The following OSBPL6 variants were observed in gnomAD, a reference collection of about 807,000 sequenced individuals.
OSBPL6 encodes the protein oxysterol binding protein like 6.
Under a neutral mutation model 125.8 loss-of-function variants are expected in OSBPL6, and 49 were observed. That is an observed-to-expected ratio of 0.39 (90% confidence interval 0.31 to 0.49). The LOEUF (loss-of-function observed/expected upper bound fraction) is 0.49. Ranked by LOEUF, OSBPL6 falls within the 20% of genes least tolerant of loss-of-function variation. The pLI is 0.88. For missense variants in OSBPL6, 986 were observed against 1,135.4 expected, an observed-to-expected ratio of 0.87 and a Z score of 1.89; for synonymous variants, 394 against 391.8, an observed-to-expected ratio of 1.01 and a Z score of -0.07.
chr2:178,223,306 C>T (rs1318405960), intron 1 of OSBPL6, among the ~76,000 whole-genome samples: 1 of 152,044 alleles, frequency 6.6e-6, no homozygotes, highest in South Asian at 2.1e-4. Context: ...TGGTTACATT[C>T]CCTCCTTTGT....
chr2:178,269,622 A>AT (rs1210287791), intron 1 of OSBPL6, among the ~76,000 whole-genome samples: 2 of 152,074 alleles, frequency 1.3e-5, no homozygotes, highest in African/African-American at 4.8e-5. Context: ...GAGGGAATGA[A>AT]TTTTTCCCAG....
At chr2:178,290,778 G>A (rs1247067696) in intron 2 of OSBPL6, among the ~76,000 whole-genome samples, 4 of 152,000 alleles carry the variant, frequency 2.6e-5, no homozygotes, top group Non-Finnish European at 4.4e-5. Context: ...GGCACTAGGG[G>A]TGCTCATTTC....
rs373712558 is a variant in OSBPL6 at position 178,389,003 on chromosome 2, C to T, written c.2157-6C>T. ...TGTTTTTCATCAGTGTTACATTCTT[C>T]ACTAGGTATGGAGATTACTATGTGT... On this transcript the variant is annotated splice_polypyrimidine_tract_variant and splice_region_variant and intron_variant, in intron 20 of 24. Coordinates refer to ENST00000190611, the MANE Select transcript of OSBPL6 (RefSeq NM_032523.4). 3.1e-6 allele frequency: 5 copies of T among 1,612,742 alleles called. No homozygotes were observed. Among genetic ancestry groups the T allele is most frequent in the African/African-American group, 1.3e-5 (1 of 74,896 alleles).
intron 3 of OSBPL6, among the ~76,000 whole-genome samples, chr2:178,306,804 A>AATGGTTATT (rs1033838083): frequency 1.3e-5 from 2 of 152,186 alleles, no homozygotes; most frequent in Admixed American, 6.5e-5. Flanking sequence ...AGAGAAAGTA[A>AATGGTTATT]ATGGTTATTA....
intron 2 of OSBPL6, among the ~76,000 whole-genome samples, chr2:178,296,550 A>AAAAAC (rs965442835): frequency 4.6e-5 from 7 of 152,196 alleles, no homozygotes; most frequent in African/African-American, 7.2e-5. Context: ...ATCAGCTCTT[A>AAAAAC]AAAACAAAAC....
intron 11 of OSBPL6, among the ~76,000 whole-genome samples, chr2:178,345,959 C>T (rs1690668526): frequency 6.6e-6 from 1 of 152,116 alleles, no homozygotes; most frequent in Non-Finnish European, 1.5e-5. Context: ...CATTAATGCC[C>T]ACCTCCCAGG....
At chr2:178,219,013 C>A (rs932110570) in intron 1 of OSBPL6, among the ~76,000 whole-genome samples, 1 of 152,084 alleles carries the variant, frequency 6.6e-6, no homozygotes, top group African/African-American at 2.4e-5. Context: ...ACTCCTGACT[C>A]TTCTGTCTTT....
intron 3 of OSBPL6, chr2:178,320,343 G>A: frequency 1.2e-6 from 2 of 1,612,966 alleles, no homozygotes; most frequent in African/African-American, 1.3e-5. Flanking sequence ...TGTGTTCCAG[G>A]TTCCTGGTTT....
At chr2:178,382,217 T>C (rs1365685909) in intron 15 of OSBPL6, among the ~76,000 whole-genome samples, 2 of 152,200 alleles carry the variant, frequency 1.3e-5, no homozygotes, top group Non-Finnish European at 2.9e-5. Context: ...GATAAGGAGC[T>C]AAAGACCAGG....
Position 178,386,566 on chromosome 2 carries a change from G to T in OSBPL6, c.2078-495G>T, listed in dbSNP as rs142688971. On this transcript the variant is annotated intron_variant, in intron 19 of 24. Transcript: ENST00000190611. Reference sequence around the variant, plus strand: ...AATGTATATATAAATTAATTGTATTGCTATACTCCAATTATTTTTAGTGTA... The same window carrying T: ...AATGTATATATAAATTAATTGTATTTCTATACTCCAATTATTTTTAGTGTA... 1.9e-3 allele frequency among the ~76,000 whole-genome samples: 284 copies of T among 151,838 alleles called. 8 individuals are homozygous for T. The East Asian group carries it at 0.051, about 27-fold the overall frequency.
intron 15 of OSBPL6, among the ~76,000 whole-genome samples, chr2:178,376,144 G>A (rs1693854785): frequency 6.6e-6 from 1 of 152,114 alleles, no homozygotes. Flanking sequence ...GTCCAAGAGA[G>A]AGTCAGCTCA....
At chr2:178,269,342 A>AACATTTGGGTTAGTTTAAGTTTGGGAC (rs1475129863) in intron 1 of OSBPL6, among the ~76,000 whole-genome samples, 1 of 152,206 alleles carries the variant, frequency 6.6e-6, no homozygotes, top group Non-Finnish European at 1.5e-5. Context: ...TGGGACTACT[A>AACATTTGGGTTAGTTTAAGTTTGGGAC]TTAATGTTTA....
At chr2:178,312,877 T>C (rs1253112790) in intron 3 of OSBPL6, among the ~76,000 whole-genome samples, 1 of 152,074 alleles carries the variant, frequency 6.6e-6, no homozygotes, top group East Asian at 1.9e-4. Flanking sequence ...TAATTACTTT[T>C]ATGCTTACAT....
intron 13 of OSBPL6, among the ~76,000 whole-genome samples, chr2:178,368,754 A>G (rs1287644357): frequency 6.6e-6 from 1 of 152,056 alleles, no homozygotes; most frequent in Non-Finnish European, 1.5e-5. Context: ...ATGTAAAAAA[A>G]TTAACAAATA....
At chr2:178,338,274 G>GT (rs79923502) in intron 9 of OSBPL6, among the ~76,000 whole-genome samples, 7,505 of 149,018 alleles carry the variant, frequency 0.05, 233 homozygotes, top group South Asian at 0.15. Context: ...TTAAAGGTCA[G>GT]TTTTTTTTTT....
At chr2:178,195,667 C>T (rs192470627) in intron 1 of OSBPL6, among the ~76,000 whole-genome samples, 1 of 152,142 alleles carries the variant, frequency 6.6e-6, no homozygotes. Context: ...GCAAATGACA[C>T]GAAACTAAGT....
chr2:178,327,258 T>C (rs968474707), intron 4 of OSBPL6, among the ~76,000 whole-genome samples: 20 of 152,234 alleles, frequency 1.3e-4, no homozygotes, highest in Non-Finnish European at 2.5e-4. Flanking sequence ...TCTGCACTTA[T>C]TAAATGTTTC....
intron 2 of OSBPL6, among the ~76,000 whole-genome samples, chr2:178,289,660 G>A (rs1685057614): frequency 6.6e-6 from 1 of 152,196 alleles, no homozygotes; most frequent in Non-Finnish European, 1.5e-5. Context: ...ATTTGAACCA[G>A]ATCTGAAGAA....
chr2:178,256,481 A>G (rs2091891129), intron 1 of OSBPL6, among the ~76,000 whole-genome samples: 2 of 152,152 alleles, frequency 1.3e-5, no homozygotes, highest in Non-Finnish European at 2.9e-5. Flanking sequence ...AGCAACTCAG[A>G]TGGTCTTCCT....
Sources: allele counts gnomAD v4.1 joint callset (sites outside exome capture counted in the v4.1 genomes callset), GRCh38; gene constraint gnomAD v4.1.1; transcripts MANE v1.5; gene names NCBI Gene and HGNC (gene_info 2026-07-23, HGNC 2026-07-21).